Variants in ERG observed in about 807,000 individuals in gnomAD.
The protein encoded by ERG is transcriptional regulator ERG.
Under a neutral mutation model 55.3 loss-of-function variants are expected in ERG, and 9 were observed. That is an observed-to-expected ratio of 0.16 (90% confidence interval 0.10 to 0.28). ERG has a LOEUF of 0.28. ERG is among the 10% of genes least tolerant of loss of function. The pLI is 1.00. For synonymous variants in ERG, 223 were observed against 237.3 expected (o/e 0.94, Z 0.55); for missense variants, 434 against 631.6 (o/e 0.69, Z 3.35).
chr21:38,626,730 CTAAA>C (rs2060327054), intron 1 of ERG, among the ~76,000 whole-genome samples: 2 of 151,896 alleles, frequency 1.3e-5, no homozygotes, highest in South Asian at 2.1e-4. Flanking sequence ...ACATTACTGG[CTAAA>C]TAAGGGAAGT....
At position 38,605,610 on chromosome 21, in the gene ERG, G is replaced by T. The variant is rs1013264024; in HGVS notation, c.-149-20665C>A. The stretch of plus-strand genomic sequence containing the variant: ...TCCACAGGAACCCATAGGGATTTGG[G>T]TCACAAGTGCAAGTCCTAAGCACTG... On this transcript the variant is annotated intron_variant, in intron 1 of 10. Transcript: ENST00000398910. Among the ~76,000 whole-genome samples, 5 of 152,158 alleles carry T rather than the reference G, an allele frequency of 3.3e-5. No homozygotes were observed. The South Asian group carries it at 1.0e-3, about 32-fold the overall frequency.
chr21:38,491,740 G>C (rs567657228), intron 1 of ERG, among the ~76,000 whole-genome samples: 129 of 152,252 alleles, frequency 8.5e-4, no homozygotes, highest in Admixed American at 2.1e-3. Context: ...TCTGACCTGC[G>C]TGTTCATTAT....
intron 2 of ERG, among the ~76,000 whole-genome samples, chr21:38,515,071 A>G (rs2059541473): frequency 6.6e-6 from 1 of 152,038 alleles, no homozygotes; most frequent in Non-Finnish European, 1.5e-5. Flanking sequence ...ACAAAATATT[A>G]TTAAAAGAAG....
chr21:38,385,522 T>C (rs535214452), intron 9 of ERG, among the ~76,000 whole-genome samples: 1 of 152,382 alleles, frequency 6.6e-6, no homozygotes, highest in Non-Finnish European at 1.5e-5. Flanking sequence ...CTGCTTTGCA[T>C]GTTGGCTACA....
In ERG at chr21:38,426,859, G is replaced by A. The variant is rs1989851242; in HGVS notation, c.237-3298C>T. On this transcript the variant is annotated intron_variant, in intron 2 of 9. Coordinates refer to ENST00000288319, the MANE Select transcript of ERG (RefSeq NM_182918.4). Reference sequence around the variant, plus strand: ...GCAGGAGAATCGCTTGAACCAGGGAGGCGGAGGTTGCGGTGAGCCAAGACC... The same window carrying A: ...GCAGGAGAATCGCTTGAACCAGGGAAGCGGAGGTTGCGGTGAGCCAAGACC... Among the ~76,000 whole-genome samples, 3 of 152,090 alleles carry A rather than the reference G, an allele frequency of 2.0e-5. No individual in the cohort carries two copies. The South Asian group carries it at 6.2e-4, about 32-fold the overall frequency.
chr21:38,430,998 T>C (rs1699329001), intron 2 of ERG, among the ~76,000 whole-genome samples: 1 of 152,240 alleles, frequency 6.6e-6, no homozygotes, highest in African/African-American at 2.4e-5. Context: ...CTTCTTCTAG[T>C]AACTGGAGAC....
At chr21:38,631,239 C>T (rs2060354744) in intron 1 of ERG, among the ~76,000 whole-genome samples, 1 of 152,162 alleles carries the variant, frequency 6.6e-6, no homozygotes, top group Admixed American at 6.5e-5. Flanking sequence ...CACCATTCCC[C>T]ACACTTCATT....
chr21:38,639,385 T>G (rs1436817675), intron 1 of ERG, among the ~76,000 whole-genome samples: 1 of 151,416 alleles, frequency 6.6e-6, no homozygotes, highest in African/African-American at 2.4e-5. Flanking sequence ...AAACTATCAT[T>G]AAGATCCTAA....
At chr21:38,389,723 A>C (rs2146424485) in intron 9 of ERG, among the ~76,000 whole-genome samples, 1 of 151,726 alleles carries the variant, frequency 6.6e-6, no homozygotes, top group African/African-American at 2.4e-5. Context: ...CTCTCCACGG[A>C]CCAAAAGCAC....
intron 1 of ERG, among the ~76,000 whole-genome samples, chr21:38,626,120 C>G (rs1416189605): frequency 6.6e-6 from 1 of 152,064 alleles, no homozygotes; most frequent in East Asian, 1.9e-4. Context: ...CAGGGTTTCA[C>G]TATGTTGGCC....
At chr21:38,535,325 T>C (rs79020485) in intron 2 of ERG, among the ~76,000 whole-genome samples, 2,060 of 152,208 alleles carry the variant, frequency 0.014, 48 homozygotes, top group African/African-American at 0.046. Flanking sequence ...TTTTGCAAGG[T>C]AAAGAAGTTC....
intron 3 of ERG, among the ~76,000 whole-genome samples, chr21:38,414,052 A>T (rs1488837886): frequency 6.6e-6 from 1 of 152,182 alleles, no homozygotes; most frequent in Non-Finnish European, 1.5e-5. Flanking sequence ...TGGAGGATCA[A>T]AGTCTGAAAT....
At chr21:38,495,730 C>T (rs1357103680) in intron 1 of ERG, among the ~76,000 whole-genome samples, 1 of 151,780 alleles carries the variant, frequency 6.6e-6, no homozygotes. Flanking sequence ...TTGCAGATGG[C>T]ATTAAAAAAA....
At chr21:38,472,284 T>C (rs1314968240) in intron 1 of ERG, among the ~76,000 whole-genome samples, 1 of 152,216 alleles carries the variant, frequency 6.6e-6, no homozygotes, top group East Asian at 1.9e-4. Flanking sequence ...TAGAAAATAC[T>C]GCATGCCAGC....
At chr21:38,660,977 G>A (rs1442983783) in intron 1 of ERG, among the ~76,000 whole-genome samples, 1 of 151,996 alleles carries the variant, frequency 6.6e-6, no homozygotes, top group South Asian at 2.1e-4. Flanking sequence ...TTTAGGACGC[G>A]GCTGGCGGCT....
chr21:38,391,215 T>C (rs1987954060), intron 8 of ERG, among the ~76,000 whole-genome samples, 173 bp from the exon 9 acceptor site: 1 of 152,196 alleles, frequency 6.6e-6, no homozygotes, highest in South Asian at 2.1e-4. Context: ...TCACACGGCA[T>C]CTCAGATGTC....
intron 2 of ERG, among the ~76,000 whole-genome samples, chr21:38,539,893 A>ATTTT (rs11338575): frequency 8.4e-5 from 10 of 118,980 alleles, no homozygotes; most frequent in African/African-American, 1.3e-4. Context: ...CCAACACGTG[A>ATTTT]TTTTTTTTTT....
intron 3 of ERG, 120 bp downstream of exon 3, chr21:38,423,290 T>G: frequency 3.7e-6 from 4 of 1,066,806 alleles, no homozygotes; most frequent in Non-Finnish European, 4.0e-6. Flanking sequence ...TTACAAGCCC[T>G]GCTCTGGACA....
intron 1 of ERG, among the ~76,000 whole-genome samples, chr21:38,476,411 C>T (rs1343875119): frequency 6.6e-6 from 1 of 152,172 alleles, no homozygotes; most frequent in Non-Finnish European, 1.5e-5. Context: ...GAAACATGTT[C>T]TCCTAAAGAT....
Sources: allele counts gnomAD v4.1 joint callset (sites outside exome capture counted in the v4.1 genomes callset), GRCh38; gene constraint gnomAD v4.1.1; transcripts MANE v1.5; gene names NCBI Gene and HGNC (gene_info 2026-07-23, HGNC 2026-07-21).